Variants in P2RY8 observed in about 807,000 individuals in gnomAD.
P2RY8 encodes the protein S-geranylgeranyl-glutathione receptor P2RY8.
A neutral mutation model predicts 10.0 loss-of-function variants in P2RY8; 6 were observed. The ratio of observed to expected loss-of-function variants is 0.60; its 90% CI spans 0.33 to 1.19. The LOEUF is 1.19. P2RY8 is among the 50% of genes most tolerant of loss of function. The pLI, the probability that P2RY8 is intolerant of heterozygous loss-of-function variation, is 0.04. For missense variants in P2RY8, 456 were observed against 542.0 expected (o/e 0.84, Z 1.58); for synonymous variants, 276 against 252.5 (o/e 1.09, Z -0.88).
chrX:1,514,211 A>G (rs1427620278), intron 1 of P2RY8, among the ~76,000 whole-genome samples: 4 of 152,052 alleles, frequency 2.6e-5, no homozygotes, highest in African/African-American at 9.7e-5. Context: ...AGGTAAGTAC[A>G]ATTCTGTTTA....
At chrX:1,468,778 TCCCTCTCCCCTCTCCCCTCC>T (rs2091733180) in intron 1 of P2RY8, among the ~76,000 whole-genome samples, 1 of 490 alleles carries the variant, frequency 2.0e-3, no homozygotes, top group East Asian at 0.071. Flanking sequence ...CTCTCCCCTC[TCCCTCTCCCCTCTCCCCTCC>T]CCTTCCCTCT....
intron 1 of P2RY8, among the ~76,000 whole-genome samples, chrX:1,513,188 A>G (rs1298660808): frequency 6.6e-6 from 1 of 151,462 alleles, no homozygotes; most frequent in Admixed American, 6.6e-5. Flanking sequence ...GTCCCTGCAA[A>G]GGATATGAAC....
chrX:1,508,768 TATC>T (rs1464028911), intron 1 of P2RY8, among the ~76,000 whole-genome samples: 3 of 146,886 alleles, frequency 2.0e-5, no homozygotes, highest in Non-Finnish European at 4.5e-5. Flanking sequence ...ATTATCTATC[TATC>T]ATCTATGTAT....
chrX:1,490,171 G>A (rs1291310790), intron 1 of P2RY8, among the ~76,000 whole-genome samples: 1 of 132,030 alleles, frequency 7.6e-6, no homozygotes, highest in Non-Finnish European at 1.6e-5. Context: ...ACAAATGTGG[G>A]GGGAATGAAT....
intron 1 of P2RY8, among the ~76,000 whole-genome samples, chrX:1,520,565 C>A (rs1290027468): frequency 6.6e-6 from 1 of 151,020 alleles, no homozygotes; most frequent in Non-Finnish European, 1.5e-5. Context: ...AATATTATCT[C>A]CGATCCTCAA....
rs1385000326 is a variant in P2RY8 at position 1,493,127 on chromosome X, A to G, written c.-24-26545T>C. On this transcript the variant is annotated intron_variant, in intron 1 of 1. Coordinates refer to ENST00000381297, the MANE Select transcript of P2RY8 (RefSeq NM_178129.5). Reference sequence around the variant, plus strand: ...ATAGTGAGACCCCATCTCTACTAAAAAATACAAAAAATTAGCCGGGCGTTG... The same window carrying G: ...ATAGTGAGACCCCATCTCTACTAAAGAATACAAAAAATTAGCCGGGCGTTG... Among the ~76,000 whole-genome samples the G allele has an allele frequency of 2.7e-5, 4 of 150,648 alleles. No individual in the cohort carries two copies. The East Asian group carries it at 7.8e-4, about 30-fold the overall frequency.
At chrX:1,515,420 G>A (rs748012632) in intron 1 of P2RY8, among the ~76,000 whole-genome samples, 2 of 147,446 alleles carry the variant, frequency 1.4e-5, no homozygotes, top group African/African-American at 2.5e-5. Context: ...TGCCCAGGCT[G>A]GAGTGCAATG....
intron 1 of P2RY8, among the ~76,000 whole-genome samples, chrX:1,526,998 A>C (rs375411262): frequency 5.9e-5 from 9 of 152,002 alleles, no homozygotes; most frequent in Admixed American, 5.9e-4. Flanking sequence ...GGTTCAAGGG[A>C]TTCTCCTGCC....
At chrX:1,494,496 G>T (rs1309730533) in intron 1 of P2RY8, 6 of 151,852 alleles carry the variant, frequency 4.0e-5, no homozygotes, top group African/African-American at 1.5e-4. Flanking sequence ...GGGATTTTAT[G>T]TGTTTTTCTC....
At chrX:1,498,493 A>T (rs2092142046) in intron 1 of P2RY8, among the ~76,000 whole-genome samples, 1 of 150,026 alleles carries the variant, frequency 6.7e-6, no homozygotes, top group Admixed American at 6.6e-5. Context: ...ACCTCCCAAC[A>T]CTATGGGACC....
At chrX:1,503,168 C>G (rs1316622580) in intron 1 of P2RY8, among the ~76,000 whole-genome samples, 18 of 151,906 alleles carry the variant, frequency 1.2e-4, no homozygotes, top group Non-Finnish European at 2.1e-4. Context: ...GACGCGGCCA[C>G]AAGCCCAGGG....
chrX:1,519,162 T>A (rs1483320674), intron 1 of P2RY8, among the ~76,000 whole-genome samples: 2 of 151,856 alleles, frequency 1.3e-5, no homozygotes, highest in Admixed American at 6.6e-5. Context: ...CCCAATCACC[T>A]CCCTGATCCC....
intron 1 of P2RY8, among the ~76,000 whole-genome samples, chrX:1,471,309 A>ATTTTTTTTTTTT (rs1159260456): frequency 7.0e-5 from 7 of 100,020 alleles, no homozygotes; most frequent in Admixed American, 1.3e-4. Context: ...CGCCCAGCCC[A>ATTTTTTTTTTTT]TTTTTTTTTT....
intron 1 of P2RY8, among the ~76,000 whole-genome samples, chrX:1,513,703 G>A (rs2092317248): frequency 6.6e-6 from 1 of 150,714 alleles, no homozygotes; most frequent in Non-Finnish European, 1.5e-5. Context: ...AATGTTTCTG[G>A]TGGCCACTAT....
chrX:1,465,554 G>T lies in P2RY8; in HGVS notation c.1005C>A (p.Ser335=), dbSNP rs144046178. 1.0e-3 allele frequency: 1,607 copies of T among 1,612,380 alleles called. 16 individuals are homozygous for T. In the African/African-American group the frequency reaches 0.017, roughly 17 times the overall value. ...TCCCTTCAGGGTGCGCACCGGCCTCGGAGCGCACGGACGTGGTCCTGGCGG... is the reference window on the plus strand; with the variant it reads ...TCCCTTCAGGGTGCGCACCGGCCTCTGAGCGCACGGACGTGGTCCTGGCGG... The part of the protein sequence containing the change: ...LFSARTTSVR[S]EAGAHPEGME... Residue 335 remains serine, a synonymous_variant, in exon 2 of 2, where the codon TCC becomes TCA. Coordinates refer to ENST00000381297, the MANE Select transcript of P2RY8 (RefSeq NM_178129.5).
At chrX:1,512,542 G>C (rs1202509060) in intron 1 of P2RY8, among the ~76,000 whole-genome samples, 3 of 55,080 alleles carry the variant, frequency 5.4e-5, no homozygotes, top group African/African-American at 1.5e-4. Context: ...GTGAGACTCC[G>C]TCTCAAAAAA....
rs2091676454 is a variant in P2RY8, at chrX:1,466,381, T to C, written c.178A>G (p.Ile60Val). Residue 60 changes from isoleucine (I) to valine (V), a missense_variant, in exon 2 of 2, where the codon ATC becomes GTC. Ile to Val is a conservative substitution (Grantham distance 29). Coordinates refer to ENST00000381297, the MANE Select transcript of P2RY8 (RefSeq NM_178129.5). ...GTGACGCTCAGGTTGATCATGAAGA[T>C]GACCGACGGGGATCTGGGCCCCATG... Reference protein sequence around the residue: ...RRMGPRSPSVIFMINLSVTDL... With the variant: ...RRMGPRSPSVVFMINLSVTDL... 2 of 1,613,564 alleles carry C rather than the reference T, an allele frequency of 1.2e-6. No homozygotes were observed. Among genetic ancestry groups the C allele is most frequent in the Non-Finnish European group, 1.7e-6 (2 of 1,179,850 alleles).
chrX:1,492,060 C>A (rs1231804121), intron 1 of P2RY8, among the ~76,000 whole-genome samples: 1 of 152,164 alleles, frequency 6.6e-6, no homozygotes, highest in East Asian at 1.9e-4. Context: ...AACTGTGCAC[C>A]CAGCACCCCT....
At chrX:1,491,894 T>TGCATGAATGAATGCCACTCTGAGAATGC (rs2092055869) in intron 1 of P2RY8, among the ~76,000 whole-genome samples, 1 of 151,998 alleles carries the variant, frequency 6.6e-6, no homozygotes, top group Non-Finnish European at 1.5e-5. Context: ...CATGAATGAA[T>TGCATGAATGAATGCCACTCTGAGAATGC]GCATGAATGA....
Sources: allele counts gnomAD v4.1 joint callset (sites outside exome capture counted in the v4.1 genomes callset), GRCh38; gene constraint gnomAD v4.1.1; transcripts MANE v1.5; gene names NCBI Gene and HGNC (gene_info 2026-07-23, HGNC 2026-07-21).